Variants in MAPK8 observed in about 807,000 individuals in gnomAD.
The protein encoded by MAPK8 is JUN N-terminal kinase.
A neutral mutation model predicts 52.9 loss-of-function variants in MAPK8; 13 were observed. The observed-to-expected ratio is 0.25, with a 90% CI of 0.16 to 0.39. The LOEUF is 0.39. Ranked by LOEUF, MAPK8 falls within the 10% of genes least tolerant of loss-of-function variation. The probability of loss-of-function intolerance (pLI) is 1.00; values close to 1 mark genes in which losing one functional copy is unlikely to be tolerated. For synonymous variants in MAPK8, 191 were observed against 169.8 expected (o/e 1.12, Z -0.97); for missense variants, 300 against 519.2 (o/e 0.58, Z 4.10).
At chr10:48,321,102 T>TG (rs1326592689) in intron 1 of MAPK8, among the ~76,000 whole-genome samples, 1 of 149,712 alleles carries the variant, frequency 6.7e-6, no homozygotes, top group Non-Finnish European at 1.5e-5. Flanking sequence ...TTTTTTTTTT[T>TG]TTTTTTTTTT....
intron 6 of MAPK8, 92 bp downstream of exon 6, chr10:48,420,412 G>C (rs576938100): frequency 3.3e-6 from 4 of 1,213,102 alleles, no homozygotes; most frequent in Non-Finnish European, 4.6e-6. Context: ...GCAGAAGTAC[G>C]TTGAGTTAAA....
chr10:48,371,926 C>T (rs1382324705), intron 1 of MAPK8, among the ~76,000 whole-genome samples: 3 of 152,124 alleles, frequency 2.0e-5, no homozygotes, highest in South Asian at 2.1e-4. Context: ...TACAGATGAA[C>T]AGCTAGATGA....
rs1204251558 is a variant in MAPK8 at position 48,438,970 on chromosome 10, G to A, written c.*3941G>A. 2 of 152,150 alleles carry A rather than the reference G, an allele frequency of 1.3e-5. No homozygotes were observed. The highest frequency in any genetic ancestry group is 4.8e-5 in the African/African-American group (2 of 41,442). 9.4% of individuals were successfully genotyped at this position (152,150 alleles called of 1,614,324 possible). On this transcript the variant is annotated 3_prime_UTR_variant, in exon 12 of 12. Coordinates refer to ENST00000374189, the MANE Select transcript of MAPK8 (RefSeq NM_001323329.2). ...CCAATATTTGGTATATTTTTGAGAA[G>A]CTGTTAATCTTTTAGCTGAATAATG...
intron 1 of MAPK8, among the ~76,000 whole-genome samples, chr10:48,342,821 T>C (rs1845434937): frequency 6.6e-6 from 1 of 152,188 alleles, no homozygotes; most frequent in African/African-American, 2.4e-5. Flanking sequence ...GGAAATGTCA[T>C]GTAGGCATTT....
At chr10:48,346,994 A>G (rs1029154802) in intron 1 of MAPK8, among the ~76,000 whole-genome samples, 1 of 152,132 alleles carries the variant, frequency 6.6e-6, no homozygotes, top group African/African-American at 2.4e-5. Flanking sequence ...GCAGCCAGAC[A>G]TTCGGGGCCA....
intron 1 of MAPK8, among the ~76,000 whole-genome samples, chr10:48,321,755 G>A (rs1185862617): frequency 6.6e-6 from 1 of 152,100 alleles, no homozygotes; most frequent in Non-Finnish European, 1.5e-5. Context: ...AGCTCCATTT[G>A]TTGAAAATAC....
chr10:48,431,261 T>C lies in MAPK8; in HGVS notation c.1129T>C (p.Ser377Pro), dbSNP rs778924369. 1.2e-6 allele frequency: 2 copies of C among 1,610,132 alleles called. No homozygotes were observed. Among genetic ancestry groups the C allele is most frequent in the Non-Finnish European group, 1.7e-6 (2 of 1,176,556 alleles). ...GAATGGAGTTATACGGGGGCAGCCC[T>C]CTCCTTTAGGTTGGTTACAATATAA... ...TKNGVIRGQP[S>P]PLGAAVINGS... Residue 377 changes from serine to proline, a missense_variant, in exon 11 of 12, where the codon TCT becomes CCT. By Grantham distance (74) the Ser-to-Pro change is moderately conservative (BLOSUM62 -1). Coordinates refer to ENST00000374189, the MANE Select transcript of MAPK8 (RefSeq NM_001323329.2).
At chr10:48,359,513 A>T (rs547351270) in intron 1 of MAPK8, among the ~76,000 whole-genome samples, 1 of 152,158 alleles carries the variant, frequency 6.6e-6, no homozygotes. Context: ...GCCCTATCAG[A>T]TATCGATATA....
intron 1 of MAPK8, among the ~76,000 whole-genome samples, chr10:48,355,770 A>G (rs906113296): frequency 2.0e-5 from 3 of 152,204 alleles, no homozygotes; most frequent in African/African-American, 7.2e-5. Flanking sequence ...ACATTGAAGA[A>G]GCACAGGAAC....
intron 1 of MAPK8, among the ~76,000 whole-genome samples, chr10:48,355,284 C>T (rs964479413): frequency 7.2e-5 from 11 of 152,102 alleles, no homozygotes; most frequent in Non-Finnish European, 5.9e-5. Flanking sequence ...CCGAGGTGGG[C>T]GGATCACGAG....
At position 48,380,718 on chromosome 10, in the gene MAPK8, G is replaced by A. The variant is rs958876859; in HGVS notation, c.-49-20894G>A. Among the ~76,000 whole-genome samples, 4 of 152,186 alleles carry A rather than the reference G, an allele frequency of 2.6e-5. No homozygotes were observed. In the South Asian group the frequency reaches 8.3e-4, roughly 32 times the overall value. Reference sequence around the variant, plus strand: ...AGTGCGCTCCAGCATGGGCGACAGAGCAGGGCTCCCATCTAAAAAAAATAA... The same window carrying A: ...AGTGCGCTCCAGCATGGGCGACAGAACAGGGCTCCCATCTAAAAAAAATAA... On this transcript the variant is annotated intron_variant, in intron 1 of 11. Coordinates refer to ENST00000374189, the MANE Select transcript of MAPK8 (RefSeq NM_001323329.2).
intron 1 of MAPK8, among the ~76,000 whole-genome samples, chr10:48,328,168 C>T (rs981186078): frequency 5.9e-5 from 9 of 152,122 alleles, no homozygotes; most frequent in African/African-American, 2.2e-4. Context: ...AGGTACATGC[C>T]GCCATGCCCA....
At position 48,388,525 on chromosome 10, in the gene MAPK8, G is replaced by A. The variant is rs189233902; in HGVS notation, c.-49-13087G>A. ...AATCAATGTAAAAACCCCTTTAAGA[G>A]GATAAAAATGGGACAGTTAACTGGA... On this transcript the variant is annotated intron_variant, in intron 1 of 11. Coordinates refer to ENST00000374189, the MANE Select transcript of MAPK8 (RefSeq NM_001323329.2). Among the ~76,000 whole-genome samples, 318 of 152,130 alleles carry A rather than the reference G, an allele frequency of 2.1e-3. 2 individuals carry two copies. Among genetic ancestry groups the A allele is most frequent in the African/African-American group, 7.5e-3 (310 of 41,522 alleles).
intron 1 of MAPK8, among the ~76,000 whole-genome samples, chr10:48,323,395 G>A (rs1339773803): frequency 1.3e-5 from 2 of 152,176 alleles, no homozygotes; most frequent in Non-Finnish European, 2.9e-5. Context: ...AGAAACCCTA[G>A]GATACTGAGT....
intron 10 of MAPK8, chr10:48,430,877 G>T: frequency 2.7e-6 from 1 of 370,032 alleles, no homozygotes; most frequent in Non-Finnish European, 4.9e-6. Flanking sequence ...AATGGTATGT[G>T]GTATGATGTG....
intron 1 of MAPK8, among the ~76,000 whole-genome samples, chr10:48,329,737 CA>C (rs1327152381): frequency 6.6e-6 from 1 of 152,126 alleles, no homozygotes; most frequent in Non-Finnish European, 1.5e-5. Context: ...TCTTAGATCA[CA>C]ATTCTAAATT....
At chr10:48,385,449 C>T (rs2041254666) in intron 1 of MAPK8, among the ~76,000 whole-genome samples, 1 of 152,072 alleles carries the variant, frequency 6.6e-6, no homozygotes, top group Non-Finnish European at 1.5e-5. Context: ...GAACTTTTCC[C>T]ATATGTATGT....
At chr10:48,386,691 C>T (rs189934854) in intron 1 of MAPK8, among the ~76,000 whole-genome samples, 10 of 152,240 alleles carry the variant, frequency 6.6e-5, no homozygotes, top group East Asian at 5.8e-4. Context: ...TGGCCAGGCA[C>T]GGTGGCTCAC....
At chr10:48,429,332 T>C (rs1190918162) in intron 10 of MAPK8, among the ~76,000 whole-genome samples, 2 of 152,206 alleles carry the variant, frequency 1.3e-5, no homozygotes, top group East Asian at 1.9e-4. Flanking sequence ...TGAGATACAG[T>C]GTTTTCATTT....
Sources: gnomAD v4.1 joint callset for allele counts (sites outside exome capture counted in the v4.1 genomes callset) on GRCh38, gnomAD v4.1.1 for gene constraint, MANE v1.5 for transcripts, NCBI Gene and HGNC (gene_info 2026-07-23, HGNC 2026-07-21) for gene names.